LRRCC1: variants seen among roughly 807,000 people sequenced by gnomAD.
The protein encoded by LRRCC1 is leucine-rich repeat and coiled-coil domain-containing protein 1.
A neutral mutation model predicts 126.0 loss-of-function variants in LRRCC1; 115 were observed. The ratio of observed to expected loss-of-function variants is 0.91; its 90% CI spans 0.78 to 1.07. The LOEUF (loss-of-function observed/expected upper bound fraction) is 1.07. LRRCC1 is among the 50% of genes least tolerant of loss of function. The probability of loss-of-function intolerance (pLI) is 0.00; values close to 1 mark genes in which losing one functional copy is unlikely to be tolerated. For missense variants in LRRCC1, 1,172 were observed against 1,175.7 expected (o/e 1.00, Z 0.05); for synonymous variants, 400 against 393.4 (o/e 1.02, Z -0.20).
Position 85,141,444 on chromosome 8 carries a change from T to C in LRRCC1, c.2903T>C (p.Val968Ala), listed in dbSNP as rs200727340. The C allele has an allele frequency of 1.6e-4, 251 of 1,613,190 alleles. No homozygotes were observed. The highest frequency in any genetic ancestry group is 3.0e-4 in the Admixed American group (18 of 60,006). The change falls in exon 18 of 19, where the codon GTT becomes GCT. Residue 968 changes from valine to alanine, a missense_variant. Coordinates refer to ENST00000360375, the MANE Select transcript of LRRCC1 (RefSeq NM_033402.5). ...TTTAAAAGACAAGTTGATGCAATTG[T>C]TGAAGCTCATCAAGCTGAAATAGCA... Reference protein sequence around the residue: ...DAFKRQVDAIVEAHQAEIAQL... With the variant: ...DAFKRQVDAIAEAHQAEIAQL...
intron 7 of LRRCC1, among the ~76,000 whole-genome samples, chr8:85,124,251 G>A (rs1374843220): frequency 6.6e-6 from 1 of 152,036 alleles, no homozygotes; most frequent in Non-Finnish European, 1.5e-5. Flanking sequence ...AGCATATTTT[G>A]TTGTTTTGTT....
intron 6 of LRRCC1, among the ~76,000 whole-genome samples, chr8:85,118,762 A>G (rs1000645002): frequency 3.3e-5 from 5 of 152,060 alleles, no homozygotes; most frequent in Non-Finnish European, 5.9e-5. Context: ...GCTAGACACC[A>G]GTATTTTGTC....
At chr8:85,143,729 A>C (rs1466090034) in intron 18 of LRRCC1, among the ~76,000 whole-genome samples, 1 of 152,192 alleles carries the variant, frequency 6.6e-6, no homozygotes, top group Admixed American at 6.5e-5. Context: ...GGTAATACTA[A>C]ATAAGTTAAT....
At chr8:85,110,648 C>T (rs576555391) in intron 3 of LRRCC1, among the ~76,000 whole-genome samples, 4 of 152,236 alleles carry the variant, frequency 2.6e-5, no homozygotes, top group South Asian at 4.1e-4. Context: ...AATAAAAAGC[C>T]GCATGTAGCT....
intron 18 of LRRCC1, among the ~76,000 whole-genome samples, chr8:85,142,063 A>G (rs1021012082): frequency 2.0e-5 from 3 of 152,188 alleles, no homozygotes; most frequent in Admixed American, 6.5e-5. Context: ...TGGGAGGCCA[A>G]GGCGGGTGGA....
chr8:85,109,571 T>C (rs1181690429), intron 1 of LRRCC1, 24 bp from the exon 2 acceptor site: 9 of 1,342,200 alleles, frequency 6.7e-6, no homozygotes, highest in African/African-American at 1.5e-5. Flanking sequence ...AATCTATTTT[T>C]ATAGTATATA....
chr8:85,131,812 T>G lies in LRRCC1; in HGVS notation c.1819T>G (p.Leu607Val). The change falls in exon 12 of 19, where the codon TTA (leucine) becomes GTA (valine). Residue 607 changes from leucine to valine, a missense_variant. Physicochemically the swap from Leu to Val is conservative, Grantham distance 32 (BLOSUM62 1). Coordinates refer to ENST00000360375, the MANE Select transcript of LRRCC1 (RefSeq NM_033402.5). ...FFTDADFQDA[L>V]AKEIAKEEKK... ...TACTGATGCTGACTTCCAGGATGCC[T>G]TAGCTAAAGAAATAGCCAAAGAAGA... 2 of 1,613,840 alleles carry G rather than the reference T, an allele frequency of 1.2e-6. No homozygotes were observed. Among genetic ancestry groups the G allele is most frequent in the East Asian group, 2.2e-5 (1 of 44,800 alleles).
chr8:85,136,964 A>T (rs2135992294), intron 14 of LRRCC1, among the ~76,000 whole-genome samples: 1 of 152,154 alleles, frequency 6.6e-6, no homozygotes, highest in African/African-American at 2.4e-5. Flanking sequence ...AGCTGGGATT[A>T]CAGGCATGAG....
At chr8:85,137,652 T>G (rs1563956616) in intron 15 of LRRCC1, 25 bp downstream of exon 15, 1 of 1,400,580 alleles carries the variant, frequency 7.1e-7, no homozygotes, top group Non-Finnish European at 9.4e-7. Flanking sequence ...TTATTTTGGT[T>G]AAAGAGCAAA....
chr8:85,132,006 G>A (rs746583074), intron 12 of LRRCC1, 45 bp downstream of exon 12: 2 of 1,502,540 alleles, frequency 1.3e-6, no homozygotes, highest in East Asian at 2.3e-5. Context: ...GAATCAGTAA[G>A]ATATGGTTTG....
At chr8:85,145,361 A>G in intron 18 of LRRCC1, 28 bp from the exon 19 acceptor site, 1 of 1,407,822 alleles carries the variant, frequency 7.1e-7, no homozygotes, top group Non-Finnish European at 9.4e-7. Flanking sequence ...TTAAGAAATT[A>G]AAATGTAAAA....
Position 85,113,009 on chromosome 8 carries a change from CACTT to C in LRRCC1, c.459_462del (p.Leu153PhefsTer5). 1 of 1,604,018 alleles carries C rather than the reference CACTT, an allele frequency of 6.2e-7. No homozygotes were observed. The highest frequency in any genetic ancestry group is 8.5e-7 in the Non-Finnish European group (1 of 1,171,358). ...TAGTAATCGTATAGATAGTATCCAT[CACTT>C]ACTTCAGTGTATGGTAGGATTGCAC... On this transcript the variant is annotated frameshift_variant, in exon 4 of 19. Transcript: ENST00000360375. LOFTEE classifies it high-confidence loss of function.
At chr8:85,125,670 CAAA>C (rs71273921) in intron 8 of LRRCC1, among the ~76,000 whole-genome samples, 16 of 51,922 alleles carry the variant, frequency 3.1e-4, no homozygotes, top group East Asian at 9.7e-4. Context: ...GAGACTCCGT[CAAA>C]AAAAAAAAAA....
chr8:85,134,228 GT>G (rs1168110873), intron 12 of LRRCC1, among the ~76,000 whole-genome samples: 1 of 152,180 alleles, frequency 6.6e-6, no homozygotes, highest in African/African-American at 2.4e-5. Flanking sequence ...CATCTAACAT[GT>G]TGTATAATTT....
chr8:85,145,994 G>A lies in LRRCC1; in HGVS notation c.*483G>A, dbSNP rs1057476704. 4 of 152,230 alleles carry A rather than the reference G, an allele frequency of 2.6e-5. No individual in the cohort carries two copies. The highest frequency in any genetic ancestry group is 9.7e-5 in the African/African-American group (4 of 41,404). The allele number at this position is 152,230 out of a possible 1,614,324, so 9.4% of individuals were successfully genotyped here. A position where few individuals can be genotyped will look rare whatever the true frequency, so the allele number is the denominator to read the frequency against. Reference sequence around the variant, plus strand: ...ATGTGGCATTCTTAAGAAAGTATATGTAGCCATCTCCACATCACTCATTAT... The same window carrying A: ...ATGTGGCATTCTTAAGAAAGTATATATAGCCATCTCCACATCACTCATTAT... On this transcript the variant is annotated 3_prime_UTR_variant, in exon 19 of 19. Transcript: ENST00000360375.
chr8:85,138,466 A>C lies in LRRCC1; in HGVS notation c.2831A>C (p.Glu944Ala). The change falls in exon 17 of 19, where the codon GAA becomes GCA. Residue 944 changes from glutamate (E) to alanine (A), a missense_variant. By Grantham distance (107) the Glu-to-Ala change is moderately radical (BLOSUM62 -1). Coordinates refer to ENST00000360375, the MANE Select transcript of LRRCC1 (RefSeq NM_033402.5). ...KLKAERDKSI[E>A]LQKNAMEKLH... ...AAAGCGGAAAGAGACAAAAGTATTG[A>C]ACTACAAAAGTAAGCATTAGGTTCT... 1 of 1,609,880 alleles carries C rather than the reference A, an allele frequency of 6.2e-7. No individual in the cohort carries two copies. The highest frequency in any genetic ancestry group is 8.5e-7 in the Non-Finnish European group (1 of 1,178,898).
intron 18 of LRRCC1, among the ~76,000 whole-genome samples, chr8:85,143,879 G>C (rs908903636): frequency 5.9e-5 from 9 of 152,064 alleles, no homozygotes; most frequent in Non-Finnish European, 1.2e-4. Flanking sequence ...TTGCAGGCAG[G>C]GGATTATGAG....
intron 6 of LRRCC1, among the ~76,000 whole-genome samples, chr8:85,118,078 C>T (rs1364728631): frequency 6.6e-6 from 1 of 152,006 alleles, no homozygotes; most frequent in African/African-American, 2.4e-5. Context: ...TTTTTGTCTA[C>T]CATATATTAT....
intron 1 of LRRCC1, among the ~76,000 whole-genome samples, chr8:85,108,080 A>G (rs1265752826): frequency 1.3e-5 from 2 of 152,220 alleles, no homozygotes; most frequent in Non-Finnish European, 2.9e-5. Flanking sequence ...CTCGACCCGT[A>G]ACATTTCTCC....
Sources: gnomAD v4.1 joint callset for allele counts (sites outside exome capture counted in the v4.1 genomes callset) on GRCh38, gnomAD v4.1.1 for gene constraint, MANE v1.5 for transcripts, NCBI Gene and HGNC (gene_info 2026-07-23, HGNC 2026-07-21) for gene names.